SH3GL2: variants seen among roughly 807,000 people sequenced by gnomAD.
SH3GL2 encodes the protein SH3 domain containing GRB2 like 2, endophilin A1, also known as endophilin-A1.
A neutral mutation model predicts 46.0 loss-of-function variants in SH3GL2; 24 were observed. The ratio of observed to expected loss-of-function variants is 0.52; its 90% CI spans 0.38 to 0.73. The LOEUF is 0.73. Ranked by LOEUF, SH3GL2 falls within the 30% of genes least tolerant of loss-of-function variation. The pLI is 0.00. For synonymous variants in SH3GL2, 196 were observed against 147.1 expected, an observed-to-expected ratio of 1.33 and a Z score of -2.40; for missense variants, 413 against 424.2, an observed-to-expected ratio of 0.97 and a Z score of 0.23.
In SH3GL2 at chr9:17,791,300, A is replaced by G; in HGVS notation, c.694A>G (p.Ile232Val). ...QLEYHKQAVQ[I>V]LQQVTVRLEE... is the part of the protein sequence containing the mutation. ...GGAGTACCACAAGCAGGCAGTCCAG[A>G]TCCTGCAGCAAGTCACGGTCAGACT... The change falls in exon 7 of 9, where the codon ATC (isoleucine) becomes GTC (valine). Residue 232 changes from isoleucine (I) to valine (V), a missense_variant. Around this residue, in one of 3 missense-constraint regions of SH3GL2, gnomAD observed 248 missense variants for 215.0 expected, o/e 1.15. Coordinates refer to ENST00000380607, the MANE Select transcript of SH3GL2 (RefSeq NM_003026.5). 6.2e-6 allele frequency: 10 copies of G among 1,613,408 alleles called. No homozygotes were observed. Among genetic ancestry groups the G allele is most frequent in the Non-Finnish European group, 6.8e-6 (8 of 1,179,366 alleles).
chr9:17,758,170 C>G (rs977209546), intron 2 of SH3GL2, among the ~76,000 whole-genome samples: 11 of 152,116 alleles, frequency 7.2e-5, no homozygotes, highest in African/African-American at 2.7e-4. Flanking sequence ...TTCTCTAGGC[C>G]ACAGGTGTGG....
chr9:17,677,780 TC>T (rs199645646), intron 1 of SH3GL2, among the ~76,000 whole-genome samples: 8 of 151,246 alleles, frequency 5.3e-5, no homozygotes, highest in Non-Finnish European at 1.2e-4. Context: ...CCCTCCTACC[TC>T]CCCCCACCCC....
intron 1 of SH3GL2, among the ~76,000 whole-genome samples, chr9:17,583,355 T>G (rs1229253294): frequency 2.0e-5 from 3 of 152,182 alleles, no homozygotes; most frequent in Non-Finnish European, 4.4e-5. Flanking sequence ...GGTGACTAAG[T>G]CATGAGGGCA....
intron 1 of SH3GL2, 89 bp downstream of exon 1, chr9:17,579,376 G>A (rs1588152922): frequency 1.2e-6 from 1 of 835,378 alleles, no homozygotes; most frequent in Non-Finnish European, 1.7e-6. Context: ...GGCAGCTTGG[G>A]GAGTTCGGCA....
intron 2 of SH3GL2, among the ~76,000 whole-genome samples, chr9:17,751,801 C>T (rs757564851): frequency 6.6e-6 from 1 of 152,080 alleles, no homozygotes; most frequent in Non-Finnish European, 1.5e-5. Context: ...CATAATGTCT[C>T]CTTCATGGTG....
intron 1 of SH3GL2, among the ~76,000 whole-genome samples, chr9:17,615,083 G>T (rs1818955627): frequency 6.6e-6 from 1 of 152,146 alleles, no homozygotes; most frequent in South Asian, 2.1e-4. Context: ...GGACACTTGG[G>T]CTGTGTGCTG....
chr9:17,674,467 A>G (rs557264161), intron 1 of SH3GL2, among the ~76,000 whole-genome samples: 6 of 152,110 alleles, frequency 3.9e-5, no homozygotes, highest in South Asian at 4.1e-4. Flanking sequence ...GGGTTTCACC[A>G]TATCGCCCAG....
chr9:17,758,331 C>T (rs199833923), intron 2 of SH3GL2, among the ~76,000 whole-genome samples: 4 of 152,004 alleles, frequency 2.6e-5, no homozygotes, highest in Admixed American at 6.5e-5. Flanking sequence ...AAGGCCAAGG[C>T]GGATGGATCA....
intron 1 of SH3GL2, among the ~76,000 whole-genome samples, chr9:17,707,573 C>T (rs1479879383): frequency 6.6e-6 from 1 of 152,068 alleles, no homozygotes; most frequent in Admixed American, 6.6e-5. Flanking sequence ...TGCTATGCAA[C>T]AGTCACTTTG....
intron 2 of SH3GL2, among the ~76,000 whole-genome samples, chr9:17,748,890 C>G (rs140040371): frequency 2.0e-5 from 3 of 152,090 alleles, no homozygotes; most frequent in East Asian, 3.9e-4. Context: ...GTAAAGGAAA[C>G]AGCATGCAAG....
chr9:17,697,049 AT>A (rs1174615241), intron 1 of SH3GL2, among the ~76,000 whole-genome samples: 1 of 147,644 alleles, frequency 6.8e-6, no homozygotes. Context: ...CTGGGCTGAC[AT>A]TTCCTCTTTA....
chr9:17,661,019 G>A (rs2117884771), intron 1 of SH3GL2, among the ~76,000 whole-genome samples: 1 of 152,050 alleles, frequency 6.6e-6, no homozygotes, highest in East Asian at 1.9e-4. Context: ...AAAATTAGCT[G>A]GGCACGATGG....
intron 1 of SH3GL2, among the ~76,000 whole-genome samples, chr9:17,682,279 A>G (rs1820791206): frequency 1.3e-5 from 2 of 152,092 alleles, no homozygotes; most frequent in African/African-American, 4.8e-5. Context: ...TTTGCGTATT[A>G]TTTTCAATAG....
intron 1 of SH3GL2, among the ~76,000 whole-genome samples, chr9:17,655,972 A>C (rs759929836): frequency 9.2e-5 from 14 of 152,214 alleles, no homozygotes; most frequent in Admixed American, 3.3e-4. Flanking sequence ...AGTCAAAATT[A>C]GGTTTGTGGC....
intron 1 of SH3GL2, among the ~76,000 whole-genome samples, chr9:17,644,057 C>G (rs971445437): frequency 6.6e-6 from 1 of 152,120 alleles, no homozygotes; most frequent in Admixed American, 6.5e-5. Context: ...CTGGTTTAGT[C>G]TTGGGAGGGT....
chr9:17,756,351 G>C (rs1029208231), intron 2 of SH3GL2, among the ~76,000 whole-genome samples: 2 of 151,540 alleles, frequency 1.3e-5, no homozygotes, highest in Non-Finnish European at 2.9e-5. Context: ...TTAAGTTCTA[G>C]AGTATGTGTA....
intron 1 of SH3GL2, among the ~76,000 whole-genome samples, chr9:17,691,125 T>C (rs1052336886): frequency 6.6e-6 from 1 of 151,948 alleles, no homozygotes; most frequent in African/African-American, 2.4e-5. Flanking sequence ...TCTCGGCAGG[T>C]GCCACAGGCT....
intron 1 of SH3GL2, among the ~76,000 whole-genome samples, chr9:17,688,459 G>A (rs1011826543): frequency 1.3e-5 from 2 of 151,970 alleles, no homozygotes; most frequent in Non-Finnish European, 2.9e-5. Context: ...GAAGACAAAC[G>A]AAAATAAGAC....
At chr9:17,703,985 G>A (rs991827207) in intron 1 of SH3GL2, among the ~76,000 whole-genome samples, 2 of 152,038 alleles carry the variant, frequency 1.3e-5, no homozygotes, top group African/African-American at 2.4e-5. Context: ...CAGATAGGCA[G>A]AGAGGAAGTC....
Sources: allele counts gnomAD v4.1 joint callset (sites outside exome capture counted in the v4.1 genomes callset), GRCh38; gene constraint gnomAD v4.1.1; regional missense constraint gnomAD v4.1.1; transcripts MANE v1.5; gene names NCBI Gene and HGNC (gene_info 2026-07-23, HGNC 2026-07-21).